The following RCC1 variants were observed in gnomAD, a reference collection of about 807,000 sequenced individuals.
The protein encoded by RCC1 is regulator of chromosome condensation 1.
In RCC1, 11 loss-of-function variants were observed where a neutral mutation model predicts 44.4. That is an observed-to-expected ratio of 0.25 (90% CI 0.16 to 0.41). The LOEUF (loss-of-function observed/expected upper bound fraction) is 0.41. Ranked by LOEUF, RCC1 falls within the 10% of genes least tolerant of loss-of-function variation. RCC1 has a pLI of 1.00. For synonymous variants in RCC1, 213 were observed against 216.5 expected (o/e 0.98, Z 0.14); for missense variants, 386 against 547.1 (o/e 0.71, Z 2.94).
At chr1:28,529,426 C>T (rs371891804) in intron 4 of RCC1, among the ~76,000 whole-genome samples, 29 of 152,048 alleles carry the variant, frequency 1.9e-4, no homozygotes, top group African/African-American at 5.1e-4. Flanking sequence ...TCAGGTAATC[C>T]GCCCGCCCCG....
intron 3 of RCC1, among the ~76,000 whole-genome samples, chr1:28,511,240 G>T (rs1662515693): frequency 6.6e-6 from 1 of 152,056 alleles, no homozygotes; most frequent in Non-Finnish European, 1.5e-5. Context: ...CAAAATAAGT[G>T]ATAAACTACC....
intron 4 of RCC1, among the ~76,000 whole-genome samples, chr1:28,523,181 G>A (rs1209728748): frequency 2.6e-5 from 4 of 151,732 alleles, no homozygotes; most frequent in African/African-American, 7.3e-5. Context: ...ACAAGCGCCC[G>A]CCACCACGCC....
At chr1:28,530,749 G>GAGCC in intron 5 of RCC1, 7 of 647,008 alleles carry the variant, frequency 1.1e-5, no homozygotes, top group Middle Eastern at 4.3e-4. Flanking sequence ...GGCCCACAGA[G>GAGCC]AGCCCCGGGC....
chr1:28,537,692 C>T, intron 12 of RCC1, 140 bp from the exon 13 acceptor site: 1 of 801,942 alleles, frequency 1.2e-6, no homozygotes, highest in Non-Finnish European at 1.9e-6. Context: ...CCCAACTTCC[C>T]TGAACTCCCA....
chr1:28,508,867 C>T lies in RCC1; in HGVS notation c.-191C>T. ...TCTGCACTTCGCATTTTGGCATTGACATTTAATTTTAGGGTCCTTTATATA... is the reference window on the plus strand; with the variant it reads ...TCTGCACTTCGCATTTTGGCATTGATATTTAATTTTAGGGTCCTTTATATA... On this transcript the variant is annotated 5_prime_UTR_variant, in exon 3 of 13. Coordinates refer to ENST00000683442, the MANE Select transcript of RCC1 (RefSeq NM_001381865.2). 1.9e-6 allele frequency: 1 copy of T among 517,202 alleles called. No homozygotes were observed. Among genetic ancestry groups the T allele is most frequent in the Non-Finnish European group, 3.9e-6 (1 of 259,412 alleles). The allele number at this position is 517,202 out of a possible 1,614,324, so 32.0% of individuals were successfully genotyped here. A position where few individuals can be genotyped will look rare whatever the true frequency, so the allele number is the denominator to read the frequency against.
At chr1:28,507,832 C>A (rs897707164) in intron 1 of RCC1, 1 of 314,852 alleles carries the variant, frequency 3.2e-6, no homozygotes, top group African/African-American at 2.2e-5. Flanking sequence ...GTCTCAAACT[C>A]CTGACCTTGT....
At chr1:28,514,491 G>A (rs867304113) in intron 3 of RCC1, among the ~76,000 whole-genome samples, 1 of 150,170 alleles carries the variant, frequency 6.7e-6, no homozygotes, top group African/African-American at 2.5e-5. Flanking sequence ...GCCTGGTGTG[G>A]TGGCTCACAC....
At chr1:28,520,663 C>T (rs1217017265) in intron 4 of RCC1, among the ~76,000 whole-genome samples, 1 of 152,158 alleles carries the variant, frequency 6.6e-6, no homozygotes, top group African/African-American at 2.4e-5. Context: ...TCTCACTCTT[C>T]TCCCAGAGAC....
intron 1 of RCC1, 93 bp downstream of exon 1, chr1:28,506,177 A>G (rs1278741894): frequency 4.5e-6 from 2 of 443,620 alleles, no homozygotes; most frequent in Non-Finnish European, 4.5e-6. Context: ...CCCTAGGAAG[A>G]TCATATAGTA....
intron 4 of RCC1, among the ~76,000 whole-genome samples, chr1:28,521,880 ATCAG>A (rs1663305885): frequency 6.6e-6 from 1 of 152,242 alleles, no homozygotes; most frequent in Non-Finnish European, 1.5e-5. Flanking sequence ...TGCCTTCAGA[ATCAG>A]TCAGATAGGC....
chr1:28,509,957 AC>A (rs1291370863), intron 3 of RCC1: 1 of 152,168 alleles, frequency 6.6e-6, no homozygotes, highest in East Asian at 1.9e-4. Flanking sequence ...AGCCTCTACT[AC>A]CTGGCGCACC....
intron 7 of RCC1, among the ~76,000 whole-genome samples, chr1:28,534,426 CG>C (rs1335515054): frequency 6.6e-6 from 1 of 152,246 alleles, no homozygotes; most frequent in East Asian, 1.9e-4. Flanking sequence ...CGTGATCGCC[CG>C]CCTTGGCCTC....
intron 4 of RCC1, among the ~76,000 whole-genome samples, chr1:28,521,478 C>T (rs1229688609): frequency 2.1e-5 from 3 of 141,070 alleles, no homozygotes; most frequent in African/African-American, 2.7e-5. Context: ...CCAGACTGGG[C>T]GACAGAGCGA....
chr1:28,510,578 TG>T (rs1396970122), intron 3 of RCC1: 1 of 152,228 alleles, frequency 6.6e-6, no homozygotes, highest in Non-Finnish European at 1.5e-5. Context: ...CGCTCCAGCC[TG>T]GTGACAGAGT....
intron 4 of RCC1, chr1:28,518,509 A>G (rs1380472241): frequency 6.9e-6 from 1 of 145,910 alleles, no homozygotes; most frequent in African/African-American, 2.6e-5. Flanking sequence ...GGGGCGCTCC[A>G]GCAGCGGCTG....
chr1:28,535,825 ATG>A, intron 9 of RCC1, 44 bp from the exon 10 acceptor site: 1 of 1,585,896 alleles, frequency 6.3e-7, no homozygotes, highest in East Asian at 2.2e-5. Context: ...GAGAGAAGCC[ATG>A]TGTGTCTGTC....
intron 1 of RCC1, chr1:28,507,168 A>G (rs958718859): frequency 2.9e-6 from 1 of 339,404 alleles, no homozygotes; most frequent in Middle Eastern, 1.1e-3. Flanking sequence ...TACCTTCCAC[A>G]TAGTACTAAC....
intron 4 of RCC1, among the ~76,000 whole-genome samples, chr1:28,529,037 AT>A (rs779736390): frequency 0.057 from 5,815 of 101,858 alleles, 341 homozygotes; most frequent in African/African-American, 0.18. Context: ...TAATTTTTGT[AT>A]TTTTTTTTTT....
intron 9 of RCC1, 45 bp downstream of exon 9, chr1:28,535,425 C>A (rs748474078): frequency 3.7e-6 from 6 of 1,608,782 alleles, no homozygotes; most frequent in Non-Finnish European, 5.1e-6. Context: ...GGCAGGCCAC[C>A]CCCACAGTGA....
Sources: gnomAD v4.1 joint callset for allele counts (sites outside exome capture counted in the v4.1 genomes callset) on GRCh38, gnomAD v4.1.1 for gene constraint, MANE v1.5 for transcripts, NCBI Gene and HGNC (gene_info 2026-07-23, HGNC 2026-07-21) for gene names.